Variants in WIPI2 observed in about 807,000 individuals in gnomAD.
The protein encoded by WIPI2 is WD repeat domain phosphoinositide-interacting protein 2.
In WIPI2, 28 loss-of-function variants were observed where a neutral mutation model predicts 52.3. That is an observed-to-expected ratio of 0.54 (90% CI 0.40 to 0.73). WIPI2 has a LOEUF of 0.73. WIPI2 is among the 30% of genes least tolerant of loss of function. The probability of loss-of-function intolerance (pLI) is 0.00; values close to 1 mark genes in which losing one functional copy is unlikely to be tolerated. For synonymous variants in WIPI2, 268 were observed against 245.0 expected (o/e 1.09, Z -0.88); for missense variants, 506 against 602.9 (o/e 0.84, Z 1.68).
At chr7:5,220,965 T>TA (rs1325547852) in intron 7 of WIPI2, among the ~76,000 whole-genome samples, 1 of 146,132 alleles carries the variant, frequency 6.8e-6, no homozygotes, top group Admixed American at 6.9e-5. Context: ...ACCTAATTTT[T>TA]TTTTTTTTTT....
intron 3 of WIPI2, among the ~76,000 whole-genome samples, chr7:5,206,217 G>T (rs1782289397): frequency 6.6e-6 from 1 of 152,060 alleles, no homozygotes; most frequent in Non-Finnish European, 1.5e-5. Flanking sequence ...GGAGTGTATT[G>T]GATGTAAGGA....
intron 4 of WIPI2, 133 bp downstream of exon 4, chr7:5,214,837 G>T: frequency 2.0e-6 from 2 of 1,020,776 alleles, no homozygotes; most frequent in Non-Finnish European, 2.9e-6. Flanking sequence ...ACAGATCCTT[G>T]CCTACAGAGA....
rs1454145355 is a variant in WIPI2, at chr7:5,227,186, A to G, written c.855A>G (p.Pro285=). The stretch of plus-strand genomic sequence containing the variant: ...TGGTGGCCTTTCCTTCCAGACCCCC[A>G]GAGGAGCCCACCACCTGGACCGGGT... ...FKLETVKEKP[P]EEPTTWTGYF... is the part of the protein sequence containing the mutation. The change falls in exon 10 of 13, where the codon CCA becomes CCG. Residue 285 remains proline, a synonymous_variant. Transcript: ENST00000288828. The surrounding 1 kb of genome is among the most constrained non-coding windows in gnomAD (Gnocchi z 8.1). 6.2e-7 allele frequency: 1 copy of G among 1,613,836 alleles called. No individual in the cohort carries two copies.
chr7:5,216,684 T>A, intron 5 of WIPI2, 25 bp downstream of exon 5: 1 of 1,609,370 alleles, frequency 6.2e-7, no homozygotes, highest in African/African-American at 1.3e-5. Flanking sequence ...GAGGAGAGAA[T>A]CCCATTTTTC....
chr7:5,198,132 G>A (rs1781841383), intron 2 of WIPI2, among the ~76,000 whole-genome samples: 1 of 152,054 alleles, frequency 6.6e-6, no homozygotes, highest in African/African-American at 2.4e-5. Context: ...GCCAACGACG[G>A]GGCCTTTGAT....
intron 3 of WIPI2, among the ~76,000 whole-genome samples, chr7:5,209,013 ATTTTTT>A (rs55697377): frequency 3.2e-5 from 3 of 92,904 alleles, no homozygotes; most frequent in Admixed American, 1.2e-4. Flanking sequence ...ATATTCTGTG[ATTTTTT>A]TTTTTTTTTT....
At chr7:5,225,384 G>T (rs1010414347) in intron 8 of WIPI2, among the ~76,000 whole-genome samples, 1 of 151,986 alleles carries the variant, frequency 6.6e-6, no homozygotes, top group Admixed American at 6.6e-5. Flanking sequence ...CTCATGATCC[G>T]CCCACCTTGG....
At chr7:5,201,617 A>G in intron 3 of WIPI2, among the ~76,000 whole-genome samples, 1 of 152,198 alleles carries the variant, frequency 6.6e-6, no homozygotes. Flanking sequence ...ATGGTGGCGC[A>G]CACCTGTAAT....
intron 2 of WIPI2, among the ~76,000 whole-genome samples, chr7:5,199,038 G>T (rs1391947288): frequency 2.6e-5 from 4 of 152,040 alleles, no homozygotes; most frequent in Non-Finnish European, 5.9e-5. Context: ...TTCTTTTCTT[G>T]AGACAGTATC....
chr7:5,207,449 A>C (rs1423102083), intron 3 of WIPI2, among the ~76,000 whole-genome samples: 3 of 151,784 alleles, frequency 2.0e-5, no homozygotes, highest in Non-Finnish European at 2.9e-5. Flanking sequence ...TTTGCTCTGC[A>C]TTTTTTTTAG....
intron 4 of WIPI2, 28 bp downstream of exon 4, chr7:5,214,732 C>G: frequency 6.2e-7 from 1 of 1,611,052 alleles, no homozygotes; most frequent in Non-Finnish European, 8.5e-7. Flanking sequence ...TGGGTGTGGG[C>G]TTGTCTGTTG....
At chr7:5,203,536 A>T (rs1375543958) in intron 3 of WIPI2, among the ~76,000 whole-genome samples, 1 of 152,036 alleles carries the variant, frequency 6.6e-6, no homozygotes, top group African/African-American at 2.4e-5. Context: ...AGTTTGGCAG[A>T]AAGTGTGGCT....
chr7:5,213,420 C>G (rs951781810), intron 3 of WIPI2: 1 of 152,652 alleles, frequency 6.6e-6, no homozygotes, highest in African/African-American at 2.4e-5. Flanking sequence ...AGCGAGGGGC[C>G]GCGGGTGCGA....
At chr7:5,222,943 C>A (rs41280684) in intron 8 of WIPI2, 20 of 402,472 alleles carry the variant, frequency 5.0e-5, no homozygotes, top group Non-Finnish European at 8.8e-5. Flanking sequence ...CTCCAGTGCC[C>A]GGCAGCTCCC....
At chr7:5,200,080 C>T (rs570784160) in intron 3 of WIPI2, among the ~76,000 whole-genome samples, 209 of 152,286 alleles carry the variant, frequency 1.4e-3, no homozygotes, top group Non-Finnish European at 2.3e-3. Context: ...GCCCGCGTGT[C>T]GGAGAGGCGC....
intron 8 of WIPI2, among the ~76,000 whole-genome samples, chr7:5,225,462 T>C (rs1783383332): frequency 6.6e-6 from 1 of 152,186 alleles, no homozygotes. Flanking sequence ...TCTTAAACTT[T>C]ACTGAGGTTG....
rs1451672324 is a variant in WIPI2, at chr7:5,231,880, G to A, written c.*933G>A. ...CCGCAGGGGCTTCCTACCTGTGTGAGAGGTCGTAGCGGGAGACAGCAACAG... is the reference window on the plus strand; with the variant it reads ...CCGCAGGGGCTTCCTACCTGTGTGAAAGGTCGTAGCGGGAGACAGCAACAG... On this transcript the variant is annotated 3_prime_UTR_variant, in exon 13 of 13. Coordinates refer to ENST00000288828, the MANE Select transcript of WIPI2 (RefSeq NM_015610.4). The A allele has an allele frequency of 3.8e-6, 1 of 265,046 alleles. No homozygotes were observed. Among genetic ancestry groups the A allele is most frequent in the Non-Finnish European group, 7.0e-6 (1 of 141,862 alleles). 16.4% of individuals were successfully genotyped at this position (265,046 alleles called of 1,614,324 possible).
Position 5,216,603 on chromosome 7 carries a change from A to G in WIPI2, c.422A>G (p.Asn141Ser), listed in dbSNP as rs1006125902. ...CTGGAGGAGTCCCTGTACATCCACAACATTCGGGACATGAAGGTGCTGCAT... is the reference window on the plus strand; with the variant it reads ...CTGGAGGAGTCCCTGTACATCCACAGCATTCGGGACATGAAGGTGCTGCAT... ...VCLEESLYIH[N>S]IRDMKVLHTI... Residue 141 changes from asparagine to serine, a missense_variant, in exon 5 of 13, where the codon AAC (asparagine) becomes AGC (serine). Asn to Ser is a conservative substitution (Grantham distance 46). Transcript: ENST00000288828. The G allele has an allele frequency of 3.1e-6, 5 of 1,614,086 alleles. No individual in the cohort carries two copies. The highest frequency in any genetic ancestry group is 4.2e-6 in the Non-Finnish European group (5 of 1,180,046).
chr7:5,215,681 A>T (rs1782778268), intron 4 of WIPI2, among the ~76,000 whole-genome samples: 1 of 152,260 alleles, frequency 6.6e-6, no homozygotes, highest in African/African-American at 2.4e-5. Context: ...CGCAGTTGAA[A>T]CTAGGAAGTG....
Sources: allele counts gnomAD v4.1 joint callset (sites outside exome capture counted in the v4.1 genomes callset), GRCh38; gene constraint gnomAD v4.1.1; non-coding constraint Gnocchi (gnomAD v3.1); transcripts MANE v1.5; gene names NCBI Gene and HGNC (gene_info 2026-07-23, HGNC 2026-07-21).